Variants in MAST4 observed in about 807,000 individuals in gnomAD.
MAST4 encodes microtubule-associated serine/threonine-protein kinase 4.
MAST4 carries 89 observed loss-of-function variants against 162.7 expected under a neutral mutation model. The observed-to-expected ratio is 0.55, with a 90% CI of 0.46 to 0.65. MAST4 has a LOEUF of 0.65. Ranked by LOEUF, MAST4 falls within the 30% of genes least tolerant of loss-of-function variation. The pLI is 0.00. For synonymous variants in MAST4, 1,479 were observed against 1,361.1 expected (o/e 1.09, Z -1.91); for missense variants, 3,153 against 3,374.0 (o/e 0.93, Z 1.62).
rs968413673 is a variant in MAST4 at position 67,163,460 on chromosome 5, C to G, written c.4281C>G (p.Ile1427Met). The part of the protein sequence containing the change: ...MHSPPTIVRH[I>M]VRPKSAEPPR... Reference sequence around the variant, plus strand: ...CCCCGCCCACCATCGTCAGACACATCGTGAGGCCCAAGAGTGCGGAGCCCC... The same window carrying G: ...CCCCGCCCACCATCGTCAGACACATGGTGAGGCCCAAGAGTGCGGAGCCCC... Residue 1427 changes from isoleucine (I) to methionine (M), a missense_variant, in exon 29 of 29, where the codon ATC (isoleucine) becomes ATG (methionine). Transcript: ENST00000403625. This position sits in a 1 kb window ranked among gnomAD's most constrained non-coding sequence, Gnocchi z 7.0. 6.2e-7 allele frequency: 1 copy of G among 1,613,508 alleles called. No individual in the cohort carries two copies.
At chr5:66,800,855 G>A (rs1466856606) in intron 3 of MAST4, among the ~76,000 whole-genome samples, 1 of 152,064 alleles carries the variant, frequency 6.6e-6, no homozygotes, top group Non-Finnish European at 1.5e-5. Context: ...TGAGTTGTAG[G>A]TGTCACCATA....
intron 3 of MAST4, among the ~76,000 whole-genome samples, chr5:66,865,633 G>T (rs942561637): frequency 6.6e-6 from 1 of 152,090 alleles, no homozygotes; most frequent in South Asian, 2.1e-4. Context: ...ATTAATAAAT[G>T]ACTGAAAGTT....
intron 3 of MAST4, among the ~76,000 whole-genome samples, chr5:66,799,216 T>C (rs1324181749): frequency 6.6e-6 from 1 of 152,204 alleles, no homozygotes; most frequent in African/African-American, 2.4e-5. Context: ...AACTCTTCTC[T>C]ATGTAACTCT....
intron 1 of MAST4, among the ~76,000 whole-genome samples, chr5:66,687,964 T>C (rs1313967396): frequency 6.6e-6 from 1 of 152,184 alleles, no homozygotes; most frequent in Non-Finnish European, 1.5e-5. Flanking sequence ...TGGCACACAA[T>C]GTTAGCTCAT....
chr5:66,815,072 C>T (rs1018214908), intron 3 of MAST4, among the ~76,000 whole-genome samples: 2 of 152,180 alleles, frequency 1.3e-5, no homozygotes, highest in Admixed American at 6.5e-5. Context: ...GTATAACTTA[C>T]ATTTGAAGGA....
At chr5:67,140,464 T>C (rs1770237005) in intron 19 of MAST4, among the ~76,000 whole-genome samples, 1 of 152,212 alleles carries the variant, frequency 6.6e-6, no homozygotes, top group African/African-American at 2.4e-5. Flanking sequence ...AGTTGGCTCT[T>C]AGGCTCAGGT....
chr5:66,713,171 T>A (rs555328709), intron 1 of MAST4, among the ~76,000 whole-genome samples: 1 of 152,250 alleles, frequency 6.6e-6, no homozygotes, highest in African/African-American at 2.4e-5. Context: ...TAAATACTAA[T>A]CTTGTTTGTA....
intron 2 of MAST4, among the ~76,000 whole-genome samples, 172 bp from the exon 3 acceptor site, chr5:66,788,498 T>C (rs1755221691): frequency 6.6e-6 from 1 of 152,206 alleles, no homozygotes; most frequent in Non-Finnish European, 1.5e-5. Context: ...CTGGATCTCC[T>C]GACTTAATTA....
chr5:67,033,315 C>CTCTCTCTGTGTGTG (rs1554084489), intron 4 of MAST4, among the ~76,000 whole-genome samples: 2 of 125,992 alleles, frequency 1.6e-5, no homozygotes, highest in Admixed American at 8.2e-5. Flanking sequence ...TTTCATTTCT[C>CTCTCTCTGTGTGTG]TGTGTGTGTG....
chr5:66,824,634 C>T (rs1192523557), intron 3 of MAST4, among the ~76,000 whole-genome samples: 1 of 152,188 alleles, frequency 6.6e-6, no homozygotes, highest in Non-Finnish European at 1.5e-5. Context: ...TAACTTATTT[C>T]TAAGTACAGT....
intron 12 of MAST4, among the ~76,000 whole-genome samples, chr5:67,115,580 A>G (rs1196165858): frequency 6.6e-6 from 1 of 152,246 alleles, no homozygotes; most frequent in Non-Finnish European, 1.5e-5. Flanking sequence ...TTTTCTGAAA[A>G]GTTCCCTGGG....
chr5:67,081,587 A>ATGGT (rs1333503124), intron 5 of MAST4, among the ~76,000 whole-genome samples: 1 of 152,200 alleles, frequency 6.6e-6, no homozygotes, highest in Non-Finnish European at 1.5e-5. Context: ...TTCTAAGGCT[A>ATGGT]TGGTTCTCAA....
At chr5:66,942,833 A>AGGCAC (rs1484508611) in intron 4 of MAST4, among the ~76,000 whole-genome samples, 48 of 152,292 alleles carry the variant, frequency 3.2e-4, no homozygotes, top group East Asian at 1.7e-3. Flanking sequence ...CAAGTATAAC[A>AGGCAC]AAATATATAA....
chr5:67,118,335 A>G (rs948036590), intron 12 of MAST4, among the ~76,000 whole-genome samples: 1 of 152,178 alleles, frequency 6.6e-6, no homozygotes, highest in Non-Finnish European at 1.5e-5. Flanking sequence ...CAGAGCCTGG[A>G]AAGATGTGCC....
chr5:66,907,161 G>GAGAGAC (rs1763411655), intron 4 of MAST4, among the ~76,000 whole-genome samples: 1 of 6,932 alleles, frequency 1.4e-4, no homozygotes, highest in African/African-American at 4.7e-4. Flanking sequence ...AGCAAAGCGA[G>GAGAGAC]AGAGAGAGAG....
rs1014873975 is a variant in MAST4, at chr5:66,720,874, C to T, written c.364-38835C>T. 1.3e-4 allele frequency among the ~76,000 whole-genome samples: 20 copies of T among 152,062 alleles called. No homozygotes were observed. The East Asian group carries it at 2.7e-3, about 21-fold the overall frequency. On this transcript the variant is annotated intron_variant, in intron 1 of 28. Transcript: ENST00000403625. ...CTGTCCTTTCAGCTTTGCTTTTAGC[C>T]GATGACCTTGATGCCTGCATTGGTG... is the stretch of plus-strand genomic sequence containing the variant.
intron 1 of MAST4, 133 bp downstream of exon 1, chr5:66,597,151 C>T (rs1413548471): frequency 4.3e-6 from 5 of 1,165,536 alleles, no homozygotes; most frequent in Non-Finnish European, 5.4e-6. Flanking sequence ...CGCTCTGCCC[C>T]GAGCACGGGA....
At chr5:66,620,422 A>G (rs533110054) in intron 1 of MAST4, among the ~76,000 whole-genome samples, 1 of 152,316 alleles carries the variant, frequency 6.6e-6, no homozygotes, top group African/African-American at 2.4e-5. Context: ...GTAATAATAA[A>G]AAGTATCATT....
Position 66,947,569 on chromosome 5 carries a change from A to G in MAST4, c.674+47587A>G, listed in dbSNP as rs114488637. On this transcript the variant is annotated intron_variant, in intron 4 of 28. Coordinates refer to ENST00000403625, the MANE Select transcript of MAST4 (RefSeq NM_001164664.2). ...AACCTCCCACTCACTTTACTACTCA[A>G]CACTGCTTCTCTGTGCAGCCTCTTT... Among the ~76,000 whole-genome samples, 338 of 152,214 alleles carry G rather than the reference A, an allele frequency of 2.2e-3. 1 individual carries two copies. Among genetic ancestry groups the G allele is most frequent in the African/African-American group, 7.8e-3 (323 of 41,546 alleles).
Sources: allele counts gnomAD v4.1 joint callset (sites outside exome capture counted in the v4.1 genomes callset), GRCh38; gene constraint gnomAD v4.1.1; non-coding constraint Gnocchi (gnomAD v3.1); transcripts MANE v1.5; gene names NCBI Gene and HGNC (gene_info 2026-07-23, HGNC 2026-07-21).